CCDC91: variants seen among roughly 807,000 people sequenced by gnomAD.
The protein encoded by CCDC91 is coiled-coil domain-containing protein 91.
CCDC91 carries 48 observed loss-of-function variants against 63.2 expected under a neutral mutation model. The observed-to-expected ratio is 0.76, with a 90% confidence interval of 0.60 to 0.97. CCDC91 has a LOEUF of 0.97. Among genes scored for constraint, CCDC91 ranks in the 50% least tolerant of loss-of-function variants. The pLI, the probability that CCDC91 is intolerant of heterozygous loss-of-function variation, is 0.00. For synonymous variants in CCDC91, 167 were observed against 165.8 expected (o/e 1.01, Z -0.06); for missense variants, 500 against 494.6 (o/e 1.01, Z -0.10).
chr12:28,377,695 A>G (rs1488855254), intron 7 of CCDC91, among the ~76,000 whole-genome samples: 3 of 151,778 alleles, frequency 2.0e-5, no homozygotes, highest in Non-Finnish European at 4.4e-5. Context: ...GTTTGCATGC[A>G]TTTGGCCAAG....
chr12:28,494,223 G>A (rs942003648), intron 12 of CCDC91, among the ~76,000 whole-genome samples: 3 of 151,632 alleles, frequency 2.0e-5, no homozygotes, highest in Non-Finnish European at 4.4e-5. Flanking sequence ...TCTATTGGTC[G>A]TTAATTAGGG....
chr12:28,437,214 A>G (rs191048370), intron 8 of CCDC91, among the ~76,000 whole-genome samples: 2 of 152,104 alleles, frequency 1.3e-5, no homozygotes, highest in East Asian at 1.9e-4. Context: ...CATAGTTACA[A>G]TGATGATAAT....
intron 3 of CCDC91, among the ~76,000 whole-genome samples, chr12:28,290,932 T>G (rs1949209273): frequency 6.6e-6 from 1 of 152,222 alleles, no homozygotes; most frequent in Non-Finnish European, 1.5e-5. Flanking sequence ...CTTTGGTATT[T>G]TACTGTACTC....
chr12:28,266,780 T>G (rs1947215613), intron 3 of CCDC91, among the ~76,000 whole-genome samples: 1 of 151,968 alleles, frequency 6.6e-6, no homozygotes, highest in Non-Finnish European at 1.5e-5. Context: ...ATAGGGATTT[T>G]CTGATACTGC....
At chr12:28,521,848 TG>T in intron 12 of CCDC91, among the ~76,000 whole-genome samples, 1 of 152,190 alleles carries the variant, frequency 6.6e-6, no homozygotes, top group Non-Finnish European at 1.5e-5. Flanking sequence ...TTTTTGTCAT[TG>T]GTTCTGTTCA....
intron 11 of CCDC91, among the ~76,000 whole-genome samples, chr12:28,482,675 A>G (rs1298074256): frequency 6.6e-6 from 1 of 151,974 alleles, no homozygotes; most frequent in Non-Finnish European, 1.5e-5. Context: ...AGGATGCAAG[A>G]AACTAGCCAT....
chr12:28,489,681 A>G (rs1348424842), intron 12 of CCDC91, among the ~76,000 whole-genome samples: 1 of 151,908 alleles, frequency 6.6e-6, no homozygotes, highest in Non-Finnish European at 1.5e-5. Context: ...AGGTTTTTAG[A>G]GAAGAGTAAG....
intron 7 of CCDC91, 120 bp downstream of exon 7, chr12:28,362,635 T>G: frequency 3.7e-6 from 2 of 537,160 alleles, no homozygotes; most frequent in East Asian, 6.9e-5. Context: ...GCTATAGAAT[T>G]TCTTTCCATT....
chr12:28,467,066 G>A (rs1950581380), intron 11 of CCDC91, among the ~76,000 whole-genome samples: 1 of 152,002 alleles, frequency 6.6e-6, no homozygotes, highest in Non-Finnish European at 1.5e-5. Flanking sequence ...GCAAGAAGAG[G>A]AGACTACAAA....
intron 12 of CCDC91, among the ~76,000 whole-genome samples, chr12:28,531,339 A>G (rs1244273665): frequency 5.3e-5 from 8 of 152,190 alleles, no homozygotes; most frequent in African/African-American, 1.9e-4. Context: ...AGACTCGACA[A>G]ATTATCAAAA....
chr12:28,263,245 G>T (rs1946948189), intron 3 of CCDC91, among the ~76,000 whole-genome samples: 1 of 151,812 alleles, frequency 6.6e-6, no homozygotes, highest in Non-Finnish European at 1.5e-5. Flanking sequence ...TTTAAAATTT[G>T]TGGTAAAACA....
chr12:28,489,029 A>T (rs772307968), intron 12 of CCDC91, among the ~76,000 whole-genome samples: 2 of 151,998 alleles, frequency 1.3e-5, no homozygotes, highest in Non-Finnish European at 2.9e-5. Flanking sequence ...CTTCAATAGC[A>T]GAGTTGAGTA....
At chr12:28,310,848 T>A (rs1421770065) in intron 6 of CCDC91, among the ~76,000 whole-genome samples, 1 of 152,026 alleles carries the variant, frequency 6.6e-6, no homozygotes, top group East Asian at 1.9e-4. Context: ...GTTTCATAAT[T>A]CCCTGCCGAA....
At chr12:28,484,314 T>C in intron 12 of CCDC91, 149 bp downstream of exon 12, 2 of 443,116 alleles carry the variant, frequency 4.5e-6, no homozygotes, top group East Asian at 7.6e-5. Flanking sequence ...GATATAATTA[T>C]GTATTCTGAT....
At chr12:28,279,744 C>T (rs1222118113) in intron 3 of CCDC91, among the ~76,000 whole-genome samples, 1 of 151,548 alleles carries the variant, frequency 6.6e-6, no homozygotes, top group Non-Finnish European at 1.5e-5. Flanking sequence ...TGTACTAGCA[C>T]ATTATAAGTT....
intron 1 of CCDC91, among the ~76,000 whole-genome samples, chr12:28,254,237 C>T (rs1210821799): frequency 6.6e-6 from 1 of 152,090 alleles, no homozygotes; most frequent in Non-Finnish European, 1.5e-5. Context: ...AAACTTTCAG[C>T]GTAGATTCCT....
intron 8 of CCDC91, among the ~76,000 whole-genome samples, chr12:28,429,832 AT>A (rs2140064150): frequency 6.8e-6 from 1 of 147,862 alleles, no homozygotes; most frequent in African/African-American, 2.7e-5. Flanking sequence ...ACAAATCAAG[AT>A]TAAAAAAAAA....
chr12:28,285,182 G>A (rs564040389), intron 3 of CCDC91, among the ~76,000 whole-genome samples: 9 of 152,158 alleles, frequency 5.9e-5, no homozygotes, highest in South Asian at 2.1e-4. Context: ...ATGCTGTCTC[G>A]TTTGCAGACA....
chr12:28,492,490 G>A (rs1211413985), intron 12 of CCDC91, among the ~76,000 whole-genome samples: 2 of 151,524 alleles, frequency 1.3e-5, no homozygotes, highest in African/African-American at 2.4e-5. Flanking sequence ...ATCTAATAAT[G>A]GCATAGCTAA....
Sources: gnomAD v4.1 joint callset for allele counts (sites outside exome capture counted in the v4.1 genomes callset) on GRCh38, gnomAD v4.1.1 for gene constraint, MANE v1.5 for transcripts, NCBI Gene and HGNC (gene_info 2026-07-23, HGNC 2026-07-21) for gene names.